Variants in CSMD1 observed in about 807,000 individuals in gnomAD.
CSMD1 encodes the protein CUB and sushi domain-containing protein 1.
CSMD1 carries 213 observed loss-of-function variants against 417.5 expected under a neutral mutation model. The ratio of observed to expected loss-of-function variants is 0.51; its 90% confidence interval spans 0.46 to 0.57. CSMD1 has a LOEUF of 0.57. Among genes scored for constraint, CSMD1 ranks in the 20% least tolerant of loss-of-function variants. CSMD1 has a pLI of 0.00. For synonymous variants in CSMD1, 2,862 were observed against 1,736.8 expected (o/e 1.65, Z -16.11); for missense variants, 6,923 against 4,529.7 (o/e 1.53, Z -15.17).
At chr8:4,315,070 T>G (rs13255812) in intron 3 of CSMD1, among the ~76,000 whole-genome samples, 25,016 of 152,106 alleles carry the variant, frequency 0.16, 2,233 homozygotes, top group South Asian at 0.19. Flanking sequence ...CCCGACCATT[T>G]GAATGGGCAT....
intron 3 of CSMD1, among the ~76,000 whole-genome samples, chr8:4,127,011 A>T (rs907936584): frequency 2.0e-5 from 3 of 152,194 alleles, no homozygotes; most frequent in Non-Finnish European, 4.4e-5. Flanking sequence ...CCACTGGCCT[A>T]CAAAATATAT....
intron 5 of CSMD1, among the ~76,000 whole-genome samples, chr8:3,972,535 G>C (rs949883256): frequency 1.3e-5 from 2 of 152,142 alleles, no homozygotes; most frequent in East Asian, 1.9e-4. Flanking sequence ...CTCTGAATAA[G>C]CACGTGTGAC....
At chr8:4,394,682 C>T (rs562949638) in intron 3 of CSMD1, among the ~76,000 whole-genome samples, 94 of 152,254 alleles carry the variant, frequency 6.2e-4, no homozygotes, top group Non-Finnish European at 1.1e-3. Context: ...TTCCCTTGGG[C>T]GTCTTGCTGG....
Position 4,166,072 on chromosome 8 carries a change from C to A in CSMD1, c.416-133973G>T, listed in dbSNP as rs184987526. Among the ~76,000 whole-genome samples, 7 of 152,254 alleles carry A rather than the reference C, an allele frequency of 4.6e-5. No individual in the cohort carries two copies. The East Asian group carries it at 1.4e-3, about 29-fold the overall frequency. On this transcript the variant is annotated intron_variant, in intron 3 of 69. Coordinates refer to ENST00000635120, the MANE Select transcript of CSMD1 (RefSeq NM_033225.6). ...ACACTTTAATAAGTGAATTCCCAATCTTGCATTAATTACATTCTTAATGAT... is the reference window on the plus strand; with the variant it reads ...ACACTTTAATAAGTGAATTCCCAATATTGCATTAATTACATTCTTAATGAT...
intron 5 of CSMD1, among the ~76,000 whole-genome samples, chr8:3,787,095 G>A (rs937340212): frequency 1.3e-4 from 20 of 152,054 alleles, no homozygotes; most frequent in South Asian, 2.1e-4. Context: ...GTTAAACCAA[G>A]CTTTATGGTA....
intron 1 of CSMD1, among the ~76,000 whole-genome samples, chr8:4,940,509 C>T (rs1431072990): frequency 6.6e-6 from 1 of 152,188 alleles, no homozygotes; most frequent in Non-Finnish European, 1.5e-5. Context: ...AACCTAGGCA[C>T]TTGAATTAGC....
intron 10 of CSMD1, among the ~76,000 whole-genome samples, chr8:3,547,141 T>C (rs1394870412): frequency 1.3e-5 from 2 of 152,148 alleles, no homozygotes; most frequent in African/African-American, 4.8e-5. Context: ...CACAGGCTCC[T>C]GGACAAGCTC....
chr8:4,431,583 G>A (rs1370058786), intron 2 of CSMD1, among the ~76,000 whole-genome samples: 2 of 152,096 alleles, frequency 1.3e-5, no homozygotes, highest in Non-Finnish European at 2.9e-5. Context: ...ACTTTGCTCT[G>A]AGGCTACCTC....
At chr8:3,149,790 G>C (rs1222849532) in intron 40 of CSMD1, among the ~76,000 whole-genome samples, 2 of 152,064 alleles carry the variant, frequency 1.3e-5, no homozygotes, top group Non-Finnish European at 2.9e-5. Context: ...GGGTATTTCA[G>C]GTATAGAAAG....
intron 2 of CSMD1, among the ~76,000 whole-genome samples, chr8:4,442,930 G>C (rs1218956175): frequency 6.6e-6 from 1 of 152,036 alleles, no homozygotes; most frequent in Non-Finnish European, 1.5e-5. Context: ...AATGATATTT[G>C]TCCCTCAACG....
At chr8:3,727,444 T>C (rs760054220) in intron 6 of CSMD1, among the ~76,000 whole-genome samples, 1 of 152,118 alleles carries the variant, frequency 6.6e-6, no homozygotes, top group Non-Finnish European at 1.5e-5. Context: ...TATTCTAACA[T>C]GAGGGTGACC....
intron 6 of CSMD1, among the ~76,000 whole-genome samples, chr8:3,752,201 G>A (rs555914709): frequency 1.5e-4 from 23 of 152,226 alleles, no homozygotes; most frequent in Admixed American, 1.4e-3. Context: ...TGGAAAAGGA[G>A]GATCGGCCTG....
intron 10 of CSMD1, among the ~76,000 whole-genome samples, chr8:3,533,291 A>C (rs966851891): frequency 3.0e-4 from 46 of 151,414 alleles, no homozygotes; most frequent in African/African-American, 1.0e-3. Context: ...TTAAATGCCC[A>C]ATATAATATA....
In CSMD1 at chr8:3,871,103, T is replaced by C. The variant is rs143088890; in HGVS notation, c.819-117061A>G. On this transcript the variant is annotated intron_variant, in intron 5 of 69. Transcript: ENST00000635120. ...CCTTATTTAACAATTGTCCTATTAA[T>C]AGACATCTAGAATATTTTCAATTTT... Among the ~76,000 whole-genome samples, 68 of 152,240 alleles carry C rather than the reference T, an allele frequency of 4.5e-4. No individual in the cohort carries two copies. In the East Asian group the frequency reaches 0.01, roughly 22 times the overall value.
intron 3 of CSMD1, among the ~76,000 whole-genome samples, chr8:4,416,390 TATTTA>T (rs1319723812): frequency 2.0e-5 from 3 of 152,098 alleles, no homozygotes; most frequent in Admixed American, 6.5e-5. Context: ...ATATAACCAA[TATTTA>T]AATTATTGAA....
Position 4,345,857 on chromosome 8 carries a change from G to C in CSMD1, c.415+74096C>G, listed in dbSNP as rs76907150. On this transcript the variant is annotated intron_variant, in intron 3 of 69. Transcript: ENST00000635120. ...AGCGACCTACATTGGAGTGTTCTGA[G>C]GTTACATGCACTGACAGGCAGACAG... 3.9e-5 allele frequency among the ~76,000 whole-genome samples: 6 copies of C among 152,202 alleles called. No individual in the cohort carries two copies. In the South Asian group the frequency reaches 1.2e-3, roughly 32 times the overall value.
At position 4,724,520 on chromosome 8, in the gene CSMD1, ATGTGTGTGTGTGTGTG is replaced by A. The variant is rs66498850; in HGVS notation, c.86-86978_86-86963del. Among the ~76,000 whole-genome samples, 492 of 145,304 alleles carry A rather than the reference ATGTGTGTGTGTGTGTG, an allele frequency of 3.4e-3. 1 individual carries two copies. The highest frequency in any genetic ancestry group is 0.012 in the African/African-American group (469 of 38,786). ...TAATATAGTAGCTCTTTATATATATATGTGTGTGTGTGTGTGTGTGTGTGTGTGTGTGTGTGTGTGT... is the reference window on the plus strand; with the variant it reads ...TAATATAGTAGCTCTTTATATATATATGTGTGTGTGTGTGTGTGTGTGTGT... On this transcript the variant is annotated intron_variant, in intron 1 of 69. Coordinates refer to ENST00000635120, the MANE Select transcript of CSMD1 (RefSeq NM_033225.6).
chr8:4,418,373 T>G (rs187764251), intron 3 of CSMD1, among the ~76,000 whole-genome samples: 28 of 152,274 alleles, frequency 1.8e-4, no homozygotes, highest in African/African-American at 6.5e-4. Flanking sequence ...TATACCATCA[T>G]GACCACCAGT....
At chr8:3,517,098 T>A (rs1797312321) in intron 10 of CSMD1, among the ~76,000 whole-genome samples, 1 of 152,170 alleles carries the variant, frequency 6.6e-6, no homozygotes, top group Admixed American at 6.5e-5. Context: ...GGCGGCCTTC[T>A]CAGGAGAGGA....
Sources: allele counts gnomAD v4.1 joint callset (sites outside exome capture counted in the v4.1 genomes callset), GRCh38; gene constraint gnomAD v4.1.1; transcripts MANE v1.5; gene names NCBI Gene and HGNC (gene_info 2026-07-23, HGNC 2026-07-21).